Variants in PSIP1 observed in about 807,000 individuals in gnomAD.
The protein encoded by PSIP1 is PC4 and SRSF1 interacting protein 1, also known as PC4 and SFRS1-interacting protein.
PSIP1 carries 19 observed loss-of-function variants against 74.7 expected under a neutral mutation model. The observed-to-expected ratio is 0.25, with a 90% confidence interval of 0.18 to 0.37. The LOEUF is 0.37. PSIP1 is among the 10% of genes least tolerant of loss of function. The pLI, the probability that PSIP1 is intolerant of heterozygous loss-of-function variation, is 1.00. For synonymous variants in PSIP1, 222 were observed against 195.3 expected, an observed-to-expected ratio of 1.14 and a Z score of -1.14; for missense variants, 601 against 614.3, an observed-to-expected ratio of 0.98 and a Z score of 0.23.
rs1377395455 is a variant in PSIP1 at position 15,468,610 on chromosome 9, G to C, written c.1420+20C>G. On this transcript the variant is annotated intron_variant, in intron 14 of 15. Coordinates refer to ENST00000380733, the MANE Select transcript of PSIP1 (RefSeq NM_033222.5). ...ATGGTTTAAAAACTGGTGTGAAATT[G>C]TTGGCTTTTTACCACATACCTGTTT... 1.2e-6 allele frequency: 2 copies of C among 1,607,226 alleles called. No individual in the cohort carries two copies. Among genetic ancestry groups the C allele is most frequent in the Non-Finnish European group, 1.7e-6 (2 of 1,174,064 alleles).
At chr9:15,504,008 G>C (rs192441315) in intron 3 of PSIP1, among the ~76,000 whole-genome samples, 9 of 152,308 alleles carry the variant, frequency 5.9e-5, no homozygotes, top group Admixed American at 1.3e-4. Context: ...GCCTCCCAAA[G>C]TGCTGGGATT....
At chr9:15,479,325 A>G (rs1056606372) in intron 7 of PSIP1, among the ~76,000 whole-genome samples, 1 of 152,088 alleles carries the variant, frequency 6.6e-6, no homozygotes, top group African/African-American at 2.4e-5. Context: ...GGTAAAATAA[A>G]CCCATTATTC....
At chr9:15,498,859 T>C (rs2037204053) in intron 3 of PSIP1, among the ~76,000 whole-genome samples, 1 of 152,092 alleles carries the variant, frequency 6.6e-6, no homozygotes, top group Non-Finnish European at 1.5e-5. Context: ...GGCATAACTA[T>C]ATACGACAGA....
At position 15,469,311 on chromosome 9, in the gene PSIP1, T is replaced by C. The variant is rs374039409; in HGVS notation, c.1059A>G (p.Gln353=). Residue 353 remains glutamine, a synonymous_variant, in exon 12 of 16, where the codon CAA becomes CAG. Transcript: ENST00000380733. ...AATTTTTAATCTCAGCATGTATCCT[T>C]TGAAGTCGAGAATCCATTGATGTTT... ...KRETSMDSRL[Q]RIHAEIKNSL... The C allele has an allele frequency of 1.0e-5, 16 of 1,573,584 alleles. No individual in the cohort carries two copies. The highest frequency in any genetic ancestry group is 1.7e-4 in the Middle Eastern group (1 of 5,914).
chr9:15,467,135 G>T (rs1240750201), intron 14 of PSIP1, among the ~76,000 whole-genome samples: 2 of 152,146 alleles, frequency 1.3e-5, no homozygotes, highest in African/African-American at 2.4e-5. Flanking sequence ...ACAGGAAGTG[G>T]ATTATTAATC....
intron 6 of PSIP1, 80 bp downstream of exon 6, chr9:15,485,926 C>T: frequency 8.0e-7 from 1 of 1,251,394 alleles, no homozygotes; most frequent in African/African-American, 1.5e-5. Context: ...TTTAAGGTTT[C>T]ATTGTATCTA....
intron 10 of PSIP1, chr9:15,470,992 T>C (rs1279012802): frequency 5.1e-6 from 7 of 1,367,362 alleles, no homozygotes; most frequent in African/African-American, 4.5e-5. Context: ...ATGTAGTGTG[T>C]ACCTTACAGG....
intron 6 of PSIP1, among the ~76,000 whole-genome samples, chr9:15,481,165 G>A (rs911636297): frequency 6.6e-6 from 1 of 152,106 alleles, no homozygotes; most frequent in Non-Finnish European, 1.5e-5. Flanking sequence ...AAGTTGCCCT[G>A]CCCCAATCCT....
Position 15,469,961 on chromosome 9 carries a change from A to G in PSIP1, c.1010T>C (p.Val337Ala). Residue 337 changes from valine (V) to alanine (A), a missense_variant, in exon 11 of 16, where the codon GTT becomes GCT. Physicochemically the swap from Val to Ala is moderately conservative, Grantham distance 64. This residue lies in a region of PSIP1 where 538 missense variants were observed against 507.6 expected (regional missense o/e 1.06). Coordinates refer to ENST00000380733, the MANE Select transcript of PSIP1 (RefSeq NM_033222.5). ...QNKDEGKKPE[V>A]KKVEKKRETS... ...ACCTCGCTTCTTCTCCACTTTCTTA[A>G]CTTCTGGCTTCTTTCCTTCATCTTT... 1 of 1,608,224 alleles carries G rather than the reference A, an allele frequency of 6.2e-7. No homozygotes were observed. Among genetic ancestry groups the G allele is most frequent in the Non-Finnish European group, 8.5e-7 (1 of 1,178,298 alleles).
intron 10 of PSIP1, chr9:15,472,075 G>GT (rs2035859479): frequency 1.0e-6 from 1 of 979,654 alleles, no homozygotes; most frequent in African/African-American, 1.8e-5. Flanking sequence ...CCCATGGCAA[G>GT]TCCTGTCTCT....
intron 2 of PSIP1, among the ~76,000 whole-genome samples, chr9:15,508,995 A>AG (rs1468259047): frequency 1.3e-5 from 2 of 152,350 alleles, no homozygotes; most frequent in South Asian, 4.1e-4. Flanking sequence ...ACTTGTGAAC[A>AG]GGAGTTTACG....
rs746184373 is a variant in PSIP1, at chr9:15,489,972, G to A, written c.288+14C>T. 4 of 1,524,546 alleles carry A rather than the reference G, an allele frequency of 2.6e-6. No homozygotes were observed. Among genetic ancestry groups the A allele is most frequent in the East Asian group, 4.7e-5 (2 of 42,654 alleles). 94.4% of individuals were successfully genotyped at this position (1,524,546 alleles called of 1,614,324 possible). On this transcript the variant is annotated intron_variant, in intron 4 of 15. Transcript: ENST00000380733. ...TTAAATAAGTAATATCAAATTTTAT[G>A]TAATATGACTTACCTGTTGACTTGA...
chr9:15,496,257 T>C (rs1016963593), intron 3 of PSIP1, among the ~76,000 whole-genome samples: 2 of 152,220 alleles, frequency 1.3e-5, no homozygotes, highest in African/African-American at 4.8e-5. Flanking sequence ...AGCTAAGTCA[T>C]GGCAATTGAA....
chr9:15,488,658 G>A (rs1012775231), intron 4 of PSIP1, among the ~76,000 whole-genome samples: 2 of 152,140 alleles, frequency 1.3e-5, no homozygotes, highest in Non-Finnish European at 2.9e-5. Flanking sequence ...AAGCCGAGGT[G>A]GGCAGATCAC....
intron 15 of PSIP1, among the ~76,000 whole-genome samples, chr9:15,466,349 G>C (rs564406654): frequency 7.2e-5 from 11 of 152,278 alleles, no homozygotes; most frequent in African/African-American, 2.6e-4. Context: ...TTGCACTCCA[G>C]CCTGAGCAAC....
chr9:15,483,079 C>T (rs1181824990), intron 6 of PSIP1, among the ~76,000 whole-genome samples: 1 of 152,184 alleles, frequency 6.6e-6, no homozygotes, highest in Non-Finnish European at 1.5e-5. Context: ...CCATTATATT[C>T]CTTCAGGATT....
intron 6 of PSIP1, among the ~76,000 whole-genome samples, chr9:15,482,703 G>A (rs1317121647): frequency 6.6e-6 from 1 of 152,122 alleles, no homozygotes; most frequent in Non-Finnish European, 1.5e-5. Flanking sequence ...AAAGTGTTAA[G>A]GCATTTACTG....
chr9:15,506,513 A>C, intron 3 of PSIP1, 48 bp downstream of exon 3: 1 of 1,337,864 alleles, frequency 7.5e-7, no homozygotes, highest in Non-Finnish European at 1.1e-6. Context: ...CTGCCTAATA[A>C]CCCTGTTAAA....
chr9:15,481,185 GCT>G (rs905778540), intron 6 of PSIP1, among the ~76,000 whole-genome samples: 4 of 152,244 alleles, frequency 2.6e-5, no homozygotes, highest in East Asian at 1.9e-4. Context: ...TGATTCAATA[GCT>G]CTGAGTCAGG....
Sources: allele counts gnomAD v4.1 joint callset (sites outside exome capture counted in the v4.1 genomes callset), GRCh38; gene constraint gnomAD v4.1.1; regional missense constraint gnomAD v4.1.1; transcripts MANE v1.5; gene names NCBI Gene and HGNC (gene_info 2026-07-23, HGNC 2026-07-21).